The following RHOQ variants were observed in gnomAD, a reference collection of about 807,000 sequenced individuals.
RHOQ encodes ras homolog family member Q.
In RHOQ, 7 loss-of-function variants were observed where a neutral mutation model predicts 25.8. The ratio of observed to expected loss-of-function variants is 0.27; its 90% CI spans 0.15 to 0.51. RHOQ has a LOEUF of 0.51. Among genes scored for constraint, RHOQ ranks in the 20% least tolerant of loss-of-function variants. RHOQ has a pLI of 0.97. For missense variants in RHOQ, 165 were observed against 260.6 expected, an observed-to-expected ratio of 0.63 and a Z score of 2.53; for synonymous variants, 97 against 98.6, an observed-to-expected ratio of 0.98 and a Z score of 0.10.
rs929614749 is a variant in RHOQ, at chr2:46,548,954, G to T, written c.201+5142G>T. 1.5e-4 allele frequency among the ~76,000 whole-genome samples: 23 copies of T among 152,104 alleles called. No individual in the cohort carries two copies. The highest frequency in any genetic ancestry group is 5.3e-4 in the African/African-American group (22 of 41,400). ...TTCCCCTCCTTGGGACTCTGATGTG[G>T]GTTTGGGTTATGCCAGCTTAGACTG... On this transcript the variant is annotated intron_variant, in intron 2 of 4. Coordinates refer to ENST00000238738, the MANE Select transcript of RHOQ (RefSeq NM_012249.4). This position sits in a 1 kb window ranked among gnomAD's most constrained non-coding sequence, Gnocchi z 5.2.
In RHOQ at chr2:46,576,740, G is replaced by A; in HGVS notation, c.462+84G>A. The A allele has an allele frequency of 2.2e-6, 2 of 914,934 alleles. No individual in the cohort carries two copies. The highest frequency in any genetic ancestry group is 3.4e-6 in the Non-Finnish European group (2 of 586,454). The allele number at this position is 914,934 out of a possible 1,614,324, so 56.7% of individuals were successfully genotyped here. ...AAGCTAATTTTATTGTGTATTTACTGTGTGCCAGGTGGAGTGCTTTACATG... is the reference window on the plus strand; with the variant it reads ...AAGCTAATTTTATTGTGTATTTACTATGTGCCAGGTGGAGTGCTTTACATG... On this transcript the variant is annotated intron_variant, in intron 4 of 4. Transcript: ENST00000238738. This position sits in a 1 kb window ranked among gnomAD's most constrained non-coding sequence, Gnocchi z 5.1.
intron 2 of RHOQ, chr2:46,572,888 AT>A: frequency 2.8e-6 from 1 of 361,576 alleles, no homozygotes; most frequent in Non-Finnish European, 5.5e-6. Context: ...TCATTCCCAA[AT>A]CCCACATTTC....
intron 2 of RHOQ, among the ~76,000 whole-genome samples, chr2:46,563,100 C>T (rs1294202862): frequency 6.6e-6 from 1 of 151,904 alleles, no homozygotes; most frequent in Non-Finnish European, 1.5e-5. Flanking sequence ...TAACTTGTGC[C>T]CAGGGCCACA....
chr2:46,581,272 T>C lies in RHOQ; in HGVS notation c.*189T>C. The C allele has an allele frequency of 1.0e-6, 1 of 963,328 alleles. No individual in the cohort carries two copies. Among genetic ancestry groups the C allele is most frequent in the African/African-American group, 1.6e-5 (1 of 60,690 alleles). 59.7% of individuals were successfully genotyped at this position (963,328 alleles called of 1,614,324 possible). On this transcript the variant is annotated 3_prime_UTR_variant, in exon 5 of 5. Transcript: ENST00000238738. Reference sequence around the variant, plus strand: ...AAGGTTTAAGAAGCAGTAAGCAGCATCTGAAGCCACAATCTATTATAAATA... The same window carrying C: ...AAGGTTTAAGAAGCAGTAAGCAGCACCTGAAGCCACAATCTATTATAAATA...
Position 46,582,273 on chromosome 2 carries a change from C to T in RHOQ, c.*1190C>T, listed in dbSNP as rs1006660411. ...AAGCAGTTGGTCCCTAAGTGAAAGG[C>T]TCTGCTTGAAAAAAAAAAGAAAAAA... On this transcript the variant is annotated 3_prime_UTR_variant, in exon 5 of 5. Coordinates refer to ENST00000238738, the MANE Select transcript of RHOQ (RefSeq NM_012249.4). The T allele has an allele frequency of 2.1e-5, 3 of 143,752 alleles. No individual in the cohort carries two copies. The highest frequency in any genetic ancestry group is 5.2e-5 in the African/African-American group (2 of 38,354). 8.9% of individuals were successfully genotyped at this position (143,752 alleles called of 1,614,324 possible).
chr2:46,543,205 C>A lies in RHOQ; in HGVS notation c.142+17C>A, dbSNP rs1363886675. On this transcript the variant is annotated intron_variant, in intron 1 of 4. Transcript: ENST00000238738. ...ACTACGCAGGTAAGCCTCGGAACTG[C>A]TGACTAAGGGGCCGCTCCCCGGGCC... 2 of 1,610,876 alleles carry A rather than the reference C, an allele frequency of 1.2e-6. No homozygotes were observed. The highest frequency in any genetic ancestry group is 8.5e-7 in the Non-Finnish European group (1 of 1,178,708).
intron 2 of RHOQ, among the ~76,000 whole-genome samples, chr2:46,557,546 G>A (rs1290231570): frequency 6.6e-6 from 1 of 151,974 alleles, no homozygotes; most frequent in African/African-American, 2.4e-5. Context: ...TAGTCAAAAT[G>A]TTAAAGTGGT....
chr2:46,553,916 C>T (rs1231005118), intron 2 of RHOQ, among the ~76,000 whole-genome samples: 3 of 152,066 alleles, frequency 2.0e-5, no homozygotes, highest in Non-Finnish European at 2.9e-5. Flanking sequence ...CCCTACCTCC[C>T]GCCAAACCCC....
chr2:46,582,427 T>C lies in RHOQ; in HGVS notation c.*1344T>C, dbSNP rs1669426745. ...GGTGAACCATCTTAATTACTAGTTC[T>C]ATTACCTAATTCAGCTTCCTTGTTT... On this transcript the variant is annotated 3_prime_UTR_variant, in exon 5 of 5. Transcript: ENST00000238738. 6.6e-6 allele frequency: 1 copy of C among 152,246 alleles called. No individual in the cohort carries two copies. The highest frequency in any genetic ancestry group is 2.4e-5 in the African/African-American group (1 of 41,470). The allele number at this position is 152,246 out of a possible 1,614,324, so 9.4% of individuals were successfully genotyped here. A position where few individuals can be genotyped will look rare whatever the true frequency, so the allele number is the denominator to read the frequency against.
At chr2:46,580,797 T>C in intron 4 of RHOQ, 131 bp from the exon 5 acceptor site, 1 of 621,436 alleles carries the variant, frequency 1.6e-6, no homozygotes, top group Non-Finnish European at 2.6e-6. Context: ...TCTGGGGTTA[T>C]GAACATGGAT....
intron 2 of RHOQ, among the ~76,000 whole-genome samples, chr2:46,570,226 G>A (rs528055537): frequency 6.6e-6 from 1 of 152,240 alleles, no homozygotes; most frequent in East Asian, 1.9e-4. Flanking sequence ...GGATCACAGG[G>A]TCAAGAGATT....
chr2:46,572,107 GTTTTTTTTTTTTT>G (rs746265771), intron 2 of RHOQ, among the ~76,000 whole-genome samples: 1 of 66,254 alleles, frequency 1.5e-5, no homozygotes, highest in Non-Finnish European at 2.7e-5. Context: ...GTAAGTGTGT[GTTTTTTTTTTTTT>G]TTTTTTTTTT....
At chr2:46,561,882 A>G (rs1668590175) in intron 2 of RHOQ, among the ~76,000 whole-genome samples, 1 of 152,194 alleles carries the variant, frequency 6.6e-6, no homozygotes, top group Non-Finnish European at 1.5e-5. Context: ...AAGATTACAT[A>G]CATGGCCAGT....
Position 46,543,165 on chromosome 2 carries a change from C to T in RHOQ, c.119C>T (p.Pro40Leu). The stretch of plus-strand genomic sequence containing the variant: ...GACGCCTTCCCGGAGGAGTACGTGC[C>T]CACCGTCTTCGACCACTACGCAGGT... ...ANDAFPEEYVPTVFDHYAVSV... is the reference protein window; with the variant it reads ...ANDAFPEEYVLTVFDHYAVSV... The change falls in exon 1 of 5, where the codon CCC (proline) becomes CTC (leucine). Residue 40 changes from proline to leucine, a missense_variant. By Grantham distance (98) the Pro-to-Leu change is moderately conservative. Transcript: ENST00000238738. 6.2e-7 allele frequency: 1 copy of T among 1,612,194 alleles called. No individual in the cohort carries two copies. The highest frequency in any genetic ancestry group is 8.5e-7 in the Non-Finnish European group (1 of 1,179,406).
chr2:46,563,669 C>T (rs1398532729), intron 2 of RHOQ, among the ~76,000 whole-genome samples: 2 of 152,070 alleles, frequency 1.3e-5, no homozygotes, highest in Non-Finnish European at 1.5e-5. Context: ...GGACTTCTTG[C>T]AGGGTAATTC....
chr2:46,579,512 T>C (rs775965705), intron 4 of RHOQ, among the ~76,000 whole-genome samples: 6 of 152,172 alleles, frequency 3.9e-5, no homozygotes, highest in Admixed American at 2.6e-4. Context: ...GTCTAAGATA[T>C]GATTCTTCTT....
In RHOQ at chr2:46,581,034, T is replaced by G. The variant is rs1001335304; in HGVS notation, c.569T>G (p.Val190Gly). ...IAILTPKKHT[V>G]KKRIGSRCIN... ...ATTTTAACTCCAAAGAAACACACTG[T>G]AAAAAAAAGAATAGGATCAAGATGT... is the stretch of plus-strand genomic sequence containing the variant. Residue 190 changes from valine (V) to glycine (G), a missense_variant, in exon 5 of 5, where the codon GTA becomes GGA. By Grantham distance (109) the Val-to-Gly change is moderately radical. Transcript: ENST00000238738. 1.9e-6 allele frequency: 3 copies of G among 1,584,224 alleles called. No homozygotes were observed. Among genetic ancestry groups the G allele is most frequent in the Non-Finnish European group, 2.6e-6 (3 of 1,169,072 alleles).
intron 2 of RHOQ, chr2:46,568,435 G>A (rs903610299): frequency 6.6e-6 from 1 of 152,208 alleles, no homozygotes; most frequent in African/African-American, 2.4e-5. Context: ...TGACCACGGG[G>A]AGGTTGTGAG....
At chr2:46,574,203 G>C (rs1669029929) in intron 2 of RHOQ, among the ~76,000 whole-genome samples, 1 of 152,162 alleles carries the variant, frequency 6.6e-6, no homozygotes, top group Non-Finnish European at 1.5e-5. Context: ...TCCTATTTCT[G>C]TGAAAATTGG....
Sources: gnomAD v4.1 joint callset for allele counts (sites outside exome capture counted in the v4.1 genomes callset) on GRCh38, gnomAD v4.1.1 for gene constraint, Gnocchi (gnomAD v3.1) non-coding constraint, MANE v1.5 for transcripts, NCBI Gene and HGNC (gene_info 2026-07-23, HGNC 2026-07-21) for gene names.